Variants in CPS1 observed in about 807,000 individuals in gnomAD.
CPS1 encodes the protein carbamoyl-phosphate synthase [ammonia], mitochondrial.
CPS1 carries 109 observed loss-of-function variants against 174.6 expected under a neutral mutation model. The ratio of observed to expected loss-of-function variants is 0.62; its 90% CI spans 0.53 to 0.73. The LOEUF (loss-of-function observed/expected upper bound fraction) is 0.73, where lower values mean the gene tolerates loss of function less well. Ranked by LOEUF, CPS1 falls within the 30% of genes least tolerant of loss-of-function variation. CPS1 has a pLI of 0.00. For missense variants in CPS1, 1,689 were observed against 1,821.9 expected, an observed-to-expected ratio of 0.93 and a Z score of 1.33; for synonymous variants, 637 against 632.0, an observed-to-expected ratio of 1.01 and a Z score of -0.12.
chr2:210,497,435 G>A (rs867767520), intron 1 of CPS1, among the ~76,000 whole-genome samples: 1 of 151,898 alleles, frequency 6.6e-6, no homozygotes, highest in African/African-American at 2.4e-5. Flanking sequence ...TAATGAGCAG[G>A]TTTGTTACAT....
At chr2:210,536,322 T>A (rs1696249917) in intron 1 of CPS1, among the ~76,000 whole-genome samples, 1 of 145,058 alleles carries the variant, frequency 6.9e-6, no homozygotes, top group Non-Finnish European at 1.5e-5. Flanking sequence ...TTTAGGTACT[T>A]TTTTTTTTTT....
At chr2:210,569,257 G>C (rs1160739138) in intron 1 of CPS1, among the ~76,000 whole-genome samples, 1 of 152,046 alleles carries the variant, frequency 6.6e-6, no homozygotes, top group Admixed American at 6.6e-5. Context: ...AGAAAGAGCA[G>C]ACCAAGGAGA....
intron 4 of CPS1, 27 bp from the exon 5 acceptor site, chr2:210,579,687 A>G (rs376203555): frequency 6.3e-7 from 1 of 1,584,810 alleles, no homozygotes; most frequent in African/African-American, 1.3e-5. Flanking sequence ...CTCCAATTTC[A>G]CTGTCACTAC....
At chr2:210,643,404 T>G (rs1700285602) in intron 25 of CPS1, among the ~76,000 whole-genome samples, 1 of 152,140 alleles carries the variant, frequency 6.6e-6, no homozygotes, top group Non-Finnish European at 1.5e-5. Flanking sequence ...TATTACTTTT[T>G]ACCAGAAAAT....
chr2:210,641,920 G>A (rs1375161763), intron 24 of CPS1, among the ~76,000 whole-genome samples: 1 of 152,182 alleles, frequency 6.6e-6, no homozygotes, highest in Non-Finnish European at 1.5e-5. Flanking sequence ...TTTCTTTATA[G>A]AAGGTCACTC....
At chr2:210,600,106 G>T (rs1413771164) in intron 14 of CPS1, among the ~76,000 whole-genome samples, 1 of 148,964 alleles carries the variant, frequency 6.7e-6, no homozygotes, top group Non-Finnish European at 1.5e-5. Flanking sequence ...GATATAACTT[G>T]TATGTCAAAA....
At chr2:210,642,759 A>G in intron 25 of CPS1, 94 bp downstream of exon 25, 1 of 1,167,264 alleles carries the variant, frequency 8.6e-7, no homozygotes, top group Non-Finnish European at 1.2e-6. Context: ...AGATGTATAT[A>G]GTAATTCCTC....
chr2:210,639,806 A>G (rs1042248390), intron 23 of CPS1, among the ~76,000 whole-genome samples, 190 bp from the exon 24 acceptor site: 5 of 152,150 alleles, frequency 3.3e-5, no homozygotes, highest in African/African-American at 1.2e-4. Flanking sequence ...AAATTCTGCC[A>G]TATCTATTTT....
chr2:210,598,113 G>T (rs1366155125), intron 13 of CPS1, among the ~76,000 whole-genome samples: 1 of 151,442 alleles, frequency 6.6e-6, no homozygotes, highest in Admixed American at 6.6e-5. Flanking sequence ...TTTATTTTAG[G>T]TCTGGGGGTT....
intron 13 of CPS1, 128 bp from the exon 14 acceptor site, chr2:210,599,243 TC>T (rs1425972763): frequency 1.3e-6 from 1 of 774,572 alleles, no homozygotes; most frequent in Non-Finnish European, 2.3e-6. Context: ...CATTCACTAG[TC>T]CTGTTACGGA....
Position 210,642,683 on chromosome 2 carries a change from G to GA in CPS1, c.3141+26dup, listed in dbSNP as rs780963874. The GA allele has an allele frequency of 3.0e-5, 48 of 1,599,336 alleles. No homozygotes were observed. The highest frequency in any genetic ancestry group is 3.8e-5 in the Non-Finnish European group (44 of 1,171,636). On this transcript the variant is annotated intron_variant, in intron 25 of 37. Coordinates refer to ENST00000233072, the MANE Select transcript of CPS1 (RefSeq NM_001875.5). ...ATCAGGAGGTAAGAAAAGAAAAACA[G>GA]AAAAAAAAGAAAAAAGAAGACAGAT... is the stretch of plus-strand genomic sequence containing the variant.
chr2:210,671,047 AC>A (rs1701284401), intron 34 of CPS1, among the ~76,000 whole-genome samples: 1 of 152,162 alleles, frequency 6.6e-6, no homozygotes, highest in African/African-American at 2.4e-5. Context: ...ATTTCTAGCC[AC>A]CTTTCATCGC....
intron 24 of CPS1, 27 bp from the exon 25 acceptor site, chr2:210,642,457 C>T: frequency 6.2e-7 from 1 of 1,613,704 alleles, no homozygotes; most frequent in Non-Finnish European, 8.5e-7. Flanking sequence ...TCTCTTATCC[C>T]TTTTGCCAAT....
chr2:210,669,720 A>G (rs1701232079), intron 34 of CPS1, among the ~76,000 whole-genome samples: 1 of 152,144 alleles, frequency 6.6e-6, no homozygotes, highest in Non-Finnish European at 1.5e-5. Flanking sequence ...ACACCATATG[A>G]TAGACTCATC....
chr2:210,488,734 T>C (rs906187229), intron 1 of CPS1, among the ~76,000 whole-genome samples: 1 of 152,210 alleles, frequency 6.6e-6, no homozygotes, highest in Non-Finnish European at 1.5e-5. Context: ...TGTTTTTCTT[T>C]GGGAATTGTG....
intron 33 of CPS1, among the ~76,000 whole-genome samples, chr2:210,666,989 CT>C (rs1388740833): frequency 1.3e-5 from 2 of 152,100 alleles, no homozygotes; most frequent in African/African-American, 4.8e-5. Flanking sequence ...TGCTTGTATC[CT>C]CTTTTATTTC....
At chr2:210,594,384 A>G (rs895136972) in intron 11 of CPS1, 124 bp from the exon 12 acceptor site, 3 of 698,678 alleles carry the variant, frequency 4.3e-6, no homozygotes, top group African/African-American at 3.6e-5. Context: ...AAAAAAGCTG[A>G]AATGCTATAA....
In CPS1 at chr2:210,628,603, C is replaced by T. The variant is rs577381583; in HGVS notation, c.2688-9099C>T. 2.0e-5 allele frequency among the ~76,000 whole-genome samples: 3 copies of T among 152,128 alleles called. No individual in the cohort carries two copies. In the East Asian group the frequency reaches 5.8e-4, roughly 29 times the overall value. ...GATCACAAGGTCAGGAGTTTGAGAC[C>T]AGCCTGGCCAACATAGTGAAATACT... is the stretch of plus-strand genomic sequence containing the variant. On this transcript the variant is annotated intron_variant, in intron 21 of 37. Coordinates refer to ENST00000233072, the MANE Select transcript of CPS1 (RefSeq NM_001875.5).
chr2:210,615,128 A>G (rs1444556687), intron 20 of CPS1, among the ~76,000 whole-genome samples: 1 of 151,860 alleles, frequency 6.6e-6, no homozygotes, highest in Non-Finnish European at 1.5e-5. Context: ...CCCTCACTGT[A>G]TGTGCTTGTG....
Sources: allele counts gnomAD v4.1 joint callset (sites outside exome capture counted in the v4.1 genomes callset), GRCh38; gene constraint gnomAD v4.1.1; transcripts MANE v1.5; gene names NCBI Gene and HGNC (gene_info 2026-07-23, HGNC 2026-07-21).